Variants in RAI1 observed in about 807,000 individuals in gnomAD.
RAI1 encodes retinoic acid-induced protein 1.
In RAI1, 9 loss-of-function variants were observed where a neutral mutation model predicts 123.8. The observed-to-expected ratio is 0.07, with a 90% CI of 0.04 to 0.13. The LOEUF (loss-of-function observed/expected upper bound fraction) is 0.13. RAI1 is among the 10% of genes least tolerant of loss of function. RAI1 has a pLI of 1.00. For missense variants in RAI1, 2,256 were observed against 2,545.8 expected (o/e 0.89, Z 2.45); for synonymous variants, 1,231 against 1,127.3 (o/e 1.09, Z -1.84).
At chr17:17,762,064 C>A (rs760444928) in intron 2 of RAI1, among the ~76,000 whole-genome samples, 1 of 152,180 alleles carries the variant, frequency 6.6e-6, no homozygotes, top group Non-Finnish European at 1.5e-5. Context: ...CCAGCAGCTA[C>A]CCATCCATTG....
intron 2 of RAI1, among the ~76,000 whole-genome samples, chr17:17,755,808 C>T (rs959165800): frequency 7.2e-5 from 11 of 152,246 alleles, no homozygotes; most frequent in Non-Finnish European, 1.0e-4. Flanking sequence ...ACCCGGCCTA[C>T]ACCCTGTCAA....
intron 2 of RAI1, among the ~76,000 whole-genome samples, chr17:17,737,965 G>T (rs1478380322): frequency 6.6e-6 from 1 of 152,146 alleles, no homozygotes; most frequent in South Asian, 2.1e-4. Context: ...TGGGGGGAGG[G>T]GGCGCCCCCC....
chr17:17,690,341 G>T (rs539949997), intron 1 of RAI1, among the ~76,000 whole-genome samples: 54 of 150,876 alleles, frequency 3.6e-4, no homozygotes, highest in African/African-American at 1.3e-3. Flanking sequence ...GAGCCAAGAT[G>T]ATCGTACCAC....
Position 17,797,578 on chromosome 17 carries a change from C to G in RAI1, c.4630C>G (p.Arg1544Gly), listed in dbSNP as rs374516556. 2 of 1,614,092 alleles carry G rather than the reference C, an allele frequency of 1.2e-6. No homozygotes were observed. Among genetic ancestry groups the G allele is most frequent in the Non-Finnish European group, 1.7e-6 (2 of 1,180,046 alleles). Residue 1544 changes from arginine to glycine, a missense_variant, in exon 3 of 6, where the codon CGG (arginine) becomes GGG (glycine). This residue lies in a region of RAI1 where 410 missense variants were observed against 374.6 expected (regional missense o/e 1.09). Transcript: ENST00000353383. Reference protein sequence around the residue: ...YSKRKRLTRGRAKNTTSSPCK... With the variant: ...YSKRKRLTRGGAKNTTSSPCK... ...CAAGCGGAAGCGCCTCACTCGGGGC[C>G]GGGCCAAGAACACCACCTCTTCACC...
chr17:17,742,154 C>G (rs1916656878), intron 2 of RAI1, among the ~76,000 whole-genome samples: 1 of 152,216 alleles, frequency 6.6e-6, no homozygotes, highest in Admixed American at 6.5e-5. Context: ...TGATGATATT[C>G]AGGAGTCAAG....
intron 4 of RAI1, among the ~76,000 whole-genome samples, chr17:17,807,738 G>A (rs567279756): frequency 6.4e-4 from 98 of 152,346 alleles, no homozygotes; most frequent in Non-Finnish European, 1.2e-3. Flanking sequence ...GGGAGTGCCC[G>A]CAGCTACCCA....
At chr17:17,695,904 C>T (rs547398893) in intron 1 of RAI1, among the ~76,000 whole-genome samples, 6 of 152,204 alleles carry the variant, frequency 3.9e-5, no homozygotes, top group African/African-American at 7.2e-5. Flanking sequence ...AATTGAATGT[C>T]GGCCTTTGGG....
At chr17:17,696,406 C>T (rs1053849926) in intron 1 of RAI1, among the ~76,000 whole-genome samples, 1 of 152,220 alleles carries the variant, frequency 6.6e-6, no homozygotes, top group Non-Finnish European at 1.5e-5. Context: ...CTCAACCCCC[C>T]CACCACCCGT....
intron 2 of RAI1, among the ~76,000 whole-genome samples, chr17:17,742,030 G>A (rs750115524): frequency 2.6e-5 from 4 of 152,260 alleles, no homozygotes; most frequent in African/African-American, 7.2e-5. Flanking sequence ...AAGGAATTAC[G>A]TTTGCTGAAA....
Position 17,792,909 on chromosome 17 carries a change from C to T in RAI1, c.-16-24C>T, listed in dbSNP as rs939708541. The T allele has an allele frequency of 8.7e-6, 12 of 1,373,188 alleles. No homozygotes were observed. The African/African-American group carries it at 1.1e-4, about 13-fold the overall frequency. The allele number at this position is 1,373,188 out of a possible 1,614,324, so 85.1% of individuals were successfully genotyped here. On this transcript the variant is annotated intron_variant, in intron 2 of 5. Transcript: ENST00000353383. ...CTCCCCTCCCTCCTTCCCTCCCTCCCTCCCTTCCTTTTTCTTTTCACAGAT... is the reference window on the plus strand; with the variant it reads ...CTCCCCTCCCTCCTTCCCTCCCTCCTTCCCTTCCTTTTTCTTTTCACAGAT...
chr17:17,683,132 T>TG (rs760635474), intron 1 of RAI1, among the ~76,000 whole-genome samples: 2 of 152,254 alleles, frequency 1.3e-5, no homozygotes, highest in Non-Finnish European at 2.9e-5. Context: ...GCATTACATC[T>TG]GGTTGCAATC....
At chr17:17,699,215 C>A (rs1598019248) in intron 1 of RAI1, among the ~76,000 whole-genome samples, 1 of 152,222 alleles carries the variant, frequency 6.6e-6, no homozygotes, top group Non-Finnish European at 1.5e-5. Context: ...GTCTCCTCTT[C>A]AGTGCTTTTT....
chr17:17,752,787 C>T (rs1280265368), intron 2 of RAI1, among the ~76,000 whole-genome samples: 2 of 152,216 alleles, frequency 1.3e-5, no homozygotes, highest in Non-Finnish European at 2.9e-5. Flanking sequence ...GATTCCTCAC[C>T]CCCTCAGGAG....
chr17:17,726,352 A>G (rs1425023588), intron 2 of RAI1, among the ~76,000 whole-genome samples: 1 of 152,162 alleles, frequency 6.6e-6, no homozygotes, highest in Admixed American at 6.5e-5. Flanking sequence ...TCTGACCCAT[A>G]GGTTGGACCA....
intron 1 of RAI1, among the ~76,000 whole-genome samples, chr17:17,696,341 T>TA (rs1038573580): frequency 6.6e-6 from 1 of 151,478 alleles, no homozygotes; most frequent in Non-Finnish European, 1.5e-5. Context: ...TATGACAAAT[T>TA]AAAAAAAAAT....
chr17:17,691,711 CAA>C (rs1466531351), intron 1 of RAI1, among the ~76,000 whole-genome samples: 2 of 152,056 alleles, frequency 1.3e-5, no homozygotes, highest in African/African-American at 4.8e-5. Context: ...GGGGAGAAGG[CAA>C]AAGAGAGGAC....
chr17:17,765,015 C>T (rs572708078), intron 2 of RAI1, among the ~76,000 whole-genome samples: 3 of 152,352 alleles, frequency 2.0e-5, no homozygotes, highest in African/African-American at 7.2e-5. Flanking sequence ...TTGATGAACA[C>T]TTGGATTGTT....
chr17:17,702,124 T>C (rs150636741), intron 1 of RAI1, among the ~76,000 whole-genome samples: 5 of 152,250 alleles, frequency 3.3e-5, no homozygotes, highest in East Asian at 3.9e-4. Context: ...AGGGAAACAA[T>C]TGGAGTTCAG....
intron 2 of RAI1, among the ~76,000 whole-genome samples, chr17:17,733,391 C>T (rs1375012287): frequency 1.3e-5 from 2 of 152,200 alleles, no homozygotes; most frequent in African/African-American, 4.8e-5. Flanking sequence ...GGGAATAATA[C>T]CATGTTCTCC....
Sources: gnomAD v4.1 joint callset for allele counts (sites outside exome capture counted in the v4.1 genomes callset) on GRCh38, gnomAD v4.1.1 for gene constraint, gnomAD v4.1.1 regional missense constraint, MANE v1.5 for transcripts, NCBI Gene and HGNC (gene_info 2026-07-23, HGNC 2026-07-21) for gene names.